ZYG11B: variants seen among roughly 807,000 people sequenced by gnomAD.
ZYG11B encodes the protein protein zyg-11 homolog B.
ZYG11B carries 36 observed loss-of-function variants against 82.4 expected under a neutral mutation model. The observed-to-expected ratio is 0.44, with a 90% confidence interval of 0.33 to 0.58. The LOEUF (loss-of-function observed/expected upper bound fraction) is 0.58. Among genes scored for constraint, ZYG11B ranks in the 20% least tolerant of loss-of-function variants. ZYG11B has a pLI of 0.02. For synonymous variants in ZYG11B, 303 were observed against 312.8 expected (o/e 0.97, Z 0.33); for missense variants, 552 against 895.6 (o/e 0.62, Z 4.90).
Position 52,793,887 on chromosome 1 carries a change from C to A in ZYG11B, c.1335-2405C>A, listed in dbSNP as rs1749906. Among the ~76,000 whole-genome samples the A allele has an allele frequency of 1.2e-4, 18 of 144,948 alleles. No individual in the cohort carries two copies. The East Asian group carries it at 2.3e-3, about 18-fold the overall frequency. On this transcript the variant is annotated intron_variant, in intron 6 of 13. Coordinates refer to ENST00000294353, the MANE Select transcript of ZYG11B (RefSeq NM_024646.3). ...TCTTTCTTTCCTTCCTTCCTTCCTTCCTTCCTTCCTTCCTTTCTTTCCTTT... is the reference window on the plus strand; with the variant it reads ...TCTTTCTTTCCTTCCTTCCTTCCTTACTTCCTTCCTTCCTTTCTTTCCTTT...
intron 6 of ZYG11B, among the ~76,000 whole-genome samples, chr1:52,792,181 C>G (rs995266198): frequency 6.6e-6 from 1 of 152,054 alleles, no homozygotes; most frequent in Non-Finnish European, 1.5e-5. Context: ...TGATTCATCT[C>G]TTTGTCTCTA....
rs1417129082 is a variant in ZYG11B, at chr1:52,813,608, C to T, written c.1768C>T (p.Leu590Phe). 6.2e-7 allele frequency: 1 copy of T among 1,613,744 alleles called. No individual in the cohort carries two copies. The highest frequency in any genetic ancestry group is 1.1e-5 in the South Asian group (1 of 91,070). Residue 590 changes from leucine (L) to phenylalanine (F), a missense_variant, in exon 11 of 14, where the codon CTC becomes TTC. Around this residue, in one of 3 missense-constraint regions of ZYG11B, gnomAD observed 66 missense variants for 176.4 expected, o/e 0.37. Transcript: ENST00000294353. ...WKDFIDHISS[L>F]LHSVEVEVSY... The stretch of plus-strand genomic sequence containing the variant: ...AGATTTTATAGACCACATCAGTAGT[C>T]TCCTACACAGTGTGGAAGTGGAAGT...
intron 4 of ZYG11B, among the ~76,000 whole-genome samples, chr1:52,782,909 C>CCATGCCTGGCCCCCAG (rs1644868447): frequency 6.6e-6 from 1 of 150,578 alleles, no homozygotes; most frequent in African/African-American, 2.5e-5. Flanking sequence ...GCATGAGCCA[C>CCATGCCTGGCCCCCAG]TGCACCTAGC....
At chr1:52,795,725 A>T (rs911383028) in intron 6 of ZYG11B, among the ~76,000 whole-genome samples, 5 of 151,916 alleles carry the variant, frequency 3.3e-5, no homozygotes, top group African/African-American at 1.2e-4. Context: ...TTCCTGCTTT[A>T]TTTTTTTCCG....
chr1:52,748,044 A>G (rs1644491152), intron 1 of ZYG11B, among the ~76,000 whole-genome samples: 3 of 152,246 alleles, frequency 2.0e-5, no homozygotes, highest in Admixed American at 6.5e-5. Flanking sequence ...CTCTACAATT[A>G]TAATTATGAT....
At chr1:52,803,718 T>C (rs557862442) in intron 10 of ZYG11B, among the ~76,000 whole-genome samples, 1 of 152,240 alleles carries the variant, frequency 6.6e-6, no homozygotes, top group African/African-American at 2.4e-5. Context: ...CTTCTCACCT[T>C]AGCCTCCAGA....
intron 1 of ZYG11B, among the ~76,000 whole-genome samples, chr1:52,746,687 G>GTTTTGTTT (rs1644479086): frequency 3.0e-5 from 1 of 33,506 alleles, no homozygotes; most frequent in African/African-American, 1.3e-4. Flanking sequence ...ATCGGCCACT[G>GTTTTGTTT]TTTTTTTTTT....
At chr1:52,745,962 CT>C (rs71938564) in intron 1 of ZYG11B, among the ~76,000 whole-genome samples, 175 of 143,278 alleles carry the variant, frequency 1.2e-3, no homozygotes, top group Middle Eastern at 3.9e-3. Flanking sequence ...GAATATTTAA[CT>C]TTTTTTTTTT....
intron 13 of ZYG11B, 103 bp from the exon 14 acceptor site, chr1:52,821,334 TAA>T: frequency 8.8e-7 from 1 of 1,141,942 alleles, no homozygotes; most frequent in Non-Finnish European, 1.2e-6. Flanking sequence ...ACAAAACAGC[TAA>T]AAAAAAATGG....
intron 12 of ZYG11B, among the ~76,000 whole-genome samples, chr1:52,816,250 TA>T (rs1288657924): frequency 5.3e-5 from 8 of 152,314 alleles, no homozygotes; most frequent in Non-Finnish European, 1.2e-4. Flanking sequence ...AAGATCTACT[TA>T]TCTTCAAATG....
intron 2 of ZYG11B, among the ~76,000 whole-genome samples, chr1:52,768,102 G>T (rs1053655962): frequency 6.6e-6 from 1 of 152,188 alleles, no homozygotes; most frequent in Non-Finnish European, 1.5e-5. Flanking sequence ...GGGTGGAGCT[G>T]CAGTTTTTTC....
At chr1:52,794,512 C>T (rs1406443878) in intron 6 of ZYG11B, among the ~76,000 whole-genome samples, 1 of 152,084 alleles carries the variant, frequency 6.6e-6, no homozygotes, top group Admixed American at 6.6e-5. Context: ...GTATTGAGTG[C>T]GTGCGTGGCA....
chr1:52,768,590 C>T (rs1644719163), intron 2 of ZYG11B, among the ~76,000 whole-genome samples: 1 of 142,454 alleles, frequency 7.0e-6, no homozygotes, highest in Non-Finnish European at 1.5e-5. Context: ...ACCTAACCTT[C>T]TTCCTCTTTT....
At chr1:52,751,965 G>GT (rs60275454) in intron 1 of ZYG11B, among the ~76,000 whole-genome samples, 5,949 of 145,938 alleles carry the variant, frequency 0.041, 345 homozygotes, top group African/African-American at 0.13. Context: ...CAGATGTGTG[G>GT]TTTTTTTTTT....
intron 10 of ZYG11B, among the ~76,000 whole-genome samples, chr1:52,806,024 T>A (rs1645139132): frequency 6.6e-6 from 1 of 151,454 alleles, no homozygotes; most frequent in Non-Finnish European, 1.5e-5. Flanking sequence ...AATATAACTT[T>A]ATATGTTTCC....
rs1645287346 is a variant in ZYG11B at position 52,821,896 on chromosome 1, T to C, written c.*267T>C. On this transcript the variant is annotated 3_prime_UTR_variant, in exon 14 of 14. Coordinates refer to ENST00000294353, the MANE Select transcript of ZYG11B (RefSeq NM_024646.3). ...TTCAGTGTTTGAACTTACTTGTGCT[T>C]GAGATTCTACAGTTTTATGGTAAAG... 3 of 312,654 alleles carry C rather than the reference T, an allele frequency of 9.6e-6. No individual in the cohort carries two copies. Among genetic ancestry groups the C allele is most frequent in the Non-Finnish European group, 1.8e-5 (3 of 171,256 alleles). The allele number at this position is 312,654 out of a possible 1,614,324, so 19.4% of individuals were successfully genotyped here.
chr1:52,740,927 T>TA (rs11437766), intron 1 of ZYG11B, among the ~76,000 whole-genome samples: 91,189 of 146,220 alleles, frequency 0.62, 30,401 homozygotes, highest in East Asian at 0.97. Context: ...CGGGGGAGGG[T>TA]AAGGGATTAG....
chr1:52,786,206 CAG>C, intron 5 of ZYG11B, among the ~76,000 whole-genome samples: 2 of 151,878 alleles, frequency 1.3e-5, no homozygotes, highest in South Asian at 4.2e-4. Flanking sequence ...CAAAGTTGAT[CAG>C]GGAAAAATGA....
intron 1 of ZYG11B, among the ~76,000 whole-genome samples, chr1:52,733,658 AAG>A (rs1491107905): frequency 1.3e-5 from 2 of 152,132 alleles, no homozygotes; most frequent in African/African-American, 4.8e-5. Flanking sequence ...AAGACACTGT[AAG>A]ATCAATCAAT....
Sources: allele counts gnomAD v4.1 joint callset (sites outside exome capture counted in the v4.1 genomes callset), GRCh38; gene constraint gnomAD v4.1.1; regional missense constraint gnomAD v4.1.1; transcripts MANE v1.5; gene names NCBI Gene and HGNC (gene_info 2026-07-23, HGNC 2026-07-21).